Variants in CDH6 observed in about 807,000 individuals in gnomAD.
CDH6 encodes cadherin-6.
CDH6 carries 31 observed loss-of-function variants against 78.0 expected under a neutral mutation model. The ratio of observed to expected loss-of-function variants is 0.40; its 90% CI spans 0.30 to 0.54. CDH6 has a LOEUF of 0.54. Ranked by LOEUF, CDH6 falls within the 20% of genes least tolerant of loss-of-function variation. CDH6 has a pLI of 0.56. For synonymous variants in CDH6, 376 were observed against 368.8 expected (o/e 1.02, Z -0.23); for missense variants, 724 against 975.9 (o/e 0.74, Z 3.44).
chr5:31,239,053 G>A (rs1741527964), intron 1 of CDH6, among the ~76,000 whole-genome samples: 1 of 152,160 alleles, frequency 6.6e-6, no homozygotes, highest in Non-Finnish European at 1.5e-5. Context: ...TGCTGGTTAG[G>A]GCATCTATTT....
At chr5:31,226,202 T>A (rs116983195) in intron 1 of CDH6, among the ~76,000 whole-genome samples, 1 of 152,124 alleles carries the variant, frequency 6.6e-6, no homozygotes, top group African/African-American at 2.4e-5. Context: ...TGAGATAGCA[T>A]CTCACTCAGT....
chr5:31,287,544 TG>T (rs2149943829), intron 2 of CDH6, among the ~76,000 whole-genome samples: 1 of 152,290 alleles, frequency 6.6e-6, no homozygotes, highest in South Asian at 2.1e-4. Flanking sequence ...TCCCATCACA[TG>T]GATGAGGAAA....
In CDH6 at chr5:31,248,195, C is replaced by T. The variant is rs1314364099; in HGVS notation, c.-128-19151C>T. ...GAAAAAGGACTCATTGGCATGAGTA[C>T]GATGTTTAACTGTTCAAATTAAAAG... On this transcript the variant is annotated intron_variant, in intron 1 of 11. Coordinates refer to ENST00000265071, the MANE Select transcript of CDH6 (RefSeq NM_004932.4). Among the ~76,000 whole-genome samples the T allele has an allele frequency of 4.6e-5, 7 of 152,060 alleles. No homozygotes were observed. In the South Asian group the frequency reaches 6.2e-4, roughly 14 times the overall value.
intron 1 of CDH6, among the ~76,000 whole-genome samples, chr5:31,254,744 T>C (rs1440939869): frequency 6.6e-6 from 1 of 152,232 alleles, no homozygotes; most frequent in Non-Finnish European, 1.5e-5. Context: ...GATTACAAAC[T>C]TATTTTTGAT....
chr5:31,316,106 A>C (rs2149959147), intron 8 of CDH6, 102 bp from the exon 9 acceptor site: 9 of 1,251,316 alleles, frequency 7.2e-6, no homozygotes, highest in Non-Finnish European at 9.9e-6. Context: ...AGCTTGGGGA[A>C]TCTGTGCATG....
At position 31,309,027 on chromosome 5, in the gene CDH6, A is replaced by G. The variant is rs1436194760; in HGVS notation, c.1253+3600A>G. ...AATATTTATCATTCTCAAATTTAAA[A>G]TAAGAAATGATCAAGTAAGTACAAT... is the stretch of plus-strand genomic sequence containing the variant. On this transcript the variant is annotated intron_variant, in intron 7 of 11. Coordinates refer to ENST00000265071, the MANE Select transcript of CDH6 (RefSeq NM_004932.4). Among the ~76,000 whole-genome samples, 3 of 152,126 alleles carry G rather than the reference A, an allele frequency of 2.0e-5. 1 individual carries two copies. The highest frequency in any genetic ancestry group is 2.0e-4 in the Admixed American group (3 of 15,272).
At chr5:31,199,745 C>A (rs570991363) in intron 1 of CDH6, among the ~76,000 whole-genome samples, 2 of 134,576 alleles carry the variant, frequency 1.5e-5, no homozygotes, top group African/African-American at 5.4e-5. Context: ...TCACCAGTAT[C>A]TTGGCTCAGA....
chr5:31,318,606 C>T (rs1447318284), intron 11 of CDH6: 1 of 228,866 alleles, frequency 4.4e-6, no homozygotes, highest in Non-Finnish European at 8.6e-6. Context: ...AAATTTTTAC[C>T]CCTAACCAAC....
intron 5 of CDH6, among the ~76,000 whole-genome samples, chr5:31,301,176 T>G (rs1349211223): frequency 2.6e-5 from 4 of 152,186 alleles, no homozygotes; most frequent in Non-Finnish European, 4.4e-5. Flanking sequence ...TTTAAAAATT[T>G]TTTTAACCTG....
chr5:31,302,382 A>C, intron 6 of CDH6, 84 bp downstream of exon 6: 32 of 952,742 alleles, frequency 3.4e-5, no homozygotes, highest in Non-Finnish European at 4.5e-5. Context: ...ATTATATCTC[A>C]CATAAACATT....
At chr5:31,251,821 C>A (rs1741916333) in intron 1 of CDH6, 1 of 152,136 alleles carries the variant, frequency 6.6e-6, no homozygotes, top group South Asian at 2.1e-4. Flanking sequence ...CATCAAGCTG[C>A]CCTTTTTATT....
Position 31,305,395 on chromosome 5 carries a change from C to G in CDH6, c.1221C>G (p.Ala407=). ...QINTTIGSVT[A]QDPDAARNPV... ...ACACCACAATAGGCTCCGTCACAGC[C>G]CAAGATCCAGATGCTGCCAGGAATC... is the stretch of plus-strand genomic sequence containing the variant. The change falls in exon 7 of 12, where the codon GCC becomes GCG. Residue 407 remains alanine (A), a synonymous_variant. Coordinates refer to ENST00000265071, the MANE Select transcript of CDH6 (RefSeq NM_004932.4). The G allele has an allele frequency of 6.2e-7, 1 of 1,614,016 alleles. No homozygotes were observed. Among genetic ancestry groups the G allele is most frequent in the African/African-American group, 1.3e-5 (1 of 75,038 alleles).
intron 1 of CDH6, among the ~76,000 whole-genome samples, chr5:31,266,014 G>T (rs1452287115): frequency 6.6e-6 from 1 of 151,918 alleles, no homozygotes; most frequent in East Asian, 1.9e-4. Flanking sequence ...CTGACCTCAT[G>T]ATCTGCCCAC....
chr5:31,261,408 T>C (rs2149930236), intron 1 of CDH6, among the ~76,000 whole-genome samples: 1 of 152,314 alleles, frequency 6.6e-6, no homozygotes, highest in South Asian at 2.1e-4. Flanking sequence ...TCTATATTTA[T>C]GGGTTAGGAA....
chr5:31,218,290 T>C (rs936290546), intron 1 of CDH6, among the ~76,000 whole-genome samples: 16 of 152,246 alleles, frequency 1.1e-4, no homozygotes, highest in Middle Eastern at 3.4e-3. Context: ...TATTTAAAAT[T>C]ATAGCCAAAA....
At chr5:31,194,087 G>A (rs1740093393) in intron 1 of CDH6, among the ~76,000 whole-genome samples, 1 of 152,086 alleles carries the variant, frequency 6.6e-6, no homozygotes, top group South Asian at 2.1e-4. Flanking sequence ...TGCTGCCGCT[G>A]CTCAGGACCG....
At chr5:31,280,771 A>G (rs1224215643) in intron 2 of CDH6, among the ~76,000 whole-genome samples, 1 of 152,058 alleles carries the variant, frequency 6.6e-6, no homozygotes, top group African/African-American at 2.4e-5. Context: ...GGGGAGAAGG[A>G]GAGCTTTTGA....
chr5:31,292,822 C>CAT (rs1160180405), intron 2 of CDH6, among the ~76,000 whole-genome samples: 85 of 49,946 alleles, frequency 1.7e-3, no homozygotes, highest in African/African-American at 4.2e-3. Context: ...TATATGTGTG[C>CAT]ATATATATAT....
At chr5:31,242,095 T>A (rs1741618189) in intron 1 of CDH6, among the ~76,000 whole-genome samples, 1 of 152,208 alleles carries the variant, frequency 6.6e-6, no homozygotes, top group African/African-American at 2.4e-5. Flanking sequence ...AATAATCAAA[T>A]GGCAGTCTCA....
Sources: allele counts gnomAD v4.1 joint callset (sites outside exome capture counted in the v4.1 genomes callset), GRCh38; gene constraint gnomAD v4.1.1; transcripts MANE v1.5; gene names NCBI Gene and HGNC (gene_info 2026-07-23, HGNC 2026-07-21).